The following SORCS1 variants were observed in gnomAD, a reference collection of about 807,000 sequenced individuals.
The protein encoded by SORCS1 is sortilin related VPS10 domain containing receptor 1.
A neutral mutation model predicts 146.1 loss-of-function variants in SORCS1; 60 were observed. The ratio of observed to expected loss-of-function variants is 0.41; its 90% CI spans 0.33 to 0.51. The LOEUF (loss-of-function observed/expected upper bound fraction) is 0.51, where lower values mean the gene tolerates loss of function less well. Ranked by LOEUF, SORCS1 falls within the 20% of genes least tolerant of loss-of-function variation. The probability of loss-of-function intolerance (pLI) is 0.21; values close to 1 mark genes in which losing one functional copy is unlikely to be tolerated. For missense variants in SORCS1, 1,352 were observed against 1,487.6 expected (o/e 0.91, Z 1.50); for synonymous variants, 637 against 584.0 (o/e 1.09, Z -1.31).
intron 5 of SORCS1, among the ~76,000 whole-genome samples, chr10:106,755,210 C>T (rs2136210785): frequency 6.6e-6 from 1 of 152,330 alleles, no homozygotes; most frequent in South Asian, 2.1e-4. Context: ...CTTTTACCTA[C>T]TGAAGTGCTA....
At chr10:107,177,450 C>T in the SORCS1 span, among the ~76,000 whole-genome samples, 5 of 152,028 alleles carry the variant, frequency 3.3e-5, no homozygotes, top group Non-Finnish European at 7.4e-5. Flanking sequence ...TTCTCATCAC[C>T]GCAAAGATCT....
chr10:106,817,810 T>C (rs1306102786), intron 3 of SORCS1, among the ~76,000 whole-genome samples: 3 of 152,232 alleles, frequency 2.0e-5, no homozygotes, highest in African/African-American at 7.2e-5. Context: ...TGCCTGGCAG[T>C]CAATAAATAT....
chr10:107,158,750 C>T (rs1969489370), intron 1 of SORCS1, among the ~76,000 whole-genome samples: 1 of 152,156 alleles, frequency 6.6e-6, no homozygotes. Context: ...TGAATTAAAA[C>T]TAAACACAAT....
At chr10:106,866,518 C>T (rs926969897) in intron 2 of SORCS1, among the ~76,000 whole-genome samples, 2 of 152,176 alleles carry the variant, frequency 1.3e-5, no homozygotes, top group Non-Finnish European at 2.9e-5. Flanking sequence ...GAACATAAAC[C>T]CTGAGATTTC....
At position 107,074,417 on chromosome 10, in the gene SORCS1, G is replaced by A. The variant is rs370355777; in HGVS notation, c.558+89552C>T. ...TGAGTAATACTCCATTTTCTGGATG[G>A]TGCCACAGTTTCTTTGTCCATTCAC... On this transcript the variant is annotated intron_variant, in intron 1 of 25. Transcript: ENST00000263054. Among the ~76,000 whole-genome samples, 14 of 152,162 alleles carry A rather than the reference G, an allele frequency of 9.2e-5. No individual in the cohort carries two copies. In the East Asian group the frequency reaches 9.6e-4, roughly 10 times the overall value.
At chr10:106,983,206 A>G (rs531327119) in intron 1 of SORCS1, among the ~76,000 whole-genome samples, 10 of 147,562 alleles carry the variant, frequency 6.8e-5, no homozygotes, top group Non-Finnish European at 1.3e-4. Flanking sequence ...ACATATTTCT[A>G]TATATAAATA....
At chr10:106,815,433 A>G (rs2248044) in intron 3 of SORCS1, among the ~76,000 whole-genome samples, 152,203 of 152,354 alleles carry the variant, frequency 1, 76,026 homozygotes, top group Middle Eastern at 1. Flanking sequence ...TAATTCCCCC[A>G]AGTTAGGTAT....
At chr10:107,085,705 T>C (rs941794999) in intron 1 of SORCS1, among the ~76,000 whole-genome samples, 7 of 152,192 alleles carry the variant, frequency 4.6e-5, no homozygotes, top group Non-Finnish European at 1.0e-4. Flanking sequence ...CACCCAAACA[T>C]ATGTGACACA....
At position 106,713,672 on chromosome 10, in the gene SORCS1, A is replaced by C. The variant is rs142141653; in HGVS notation, c.1025-4331T>G. Among the ~76,000 whole-genome samples, 868 of 152,294 alleles carry C rather than the reference A, an allele frequency of 5.7e-3. 11 individuals are homozygous for C. The highest frequency in any genetic ancestry group is 0.019 in the African/African-American group (808 of 41,566). ...AGTATACCAACTGACTTTGCAGATA[A>C]AGAGAATGAAGCTAAAAAATAGTGA... is the stretch of plus-strand genomic sequence containing the variant. On this transcript the variant is annotated intron_variant, in intron 6 of 25. Transcript: ENST00000263054.
chr10:106,679,717 G>C lies in SORCS1; in HGVS notation c.1578C>G (p.His526Gln), dbSNP rs572614172. The C allele has an allele frequency of 6.2e-7, 1 of 1,611,120 alleles. No homozygotes were observed. Among genetic ancestry groups the C allele is most frequent in the East Asian group, 2.2e-5 (1 of 44,790 alleles). The change falls in exon 11 of 26, where the codon CAC becomes CAG. Residue 526 changes from histidine (H) to glutamine (Q), a missense_variant. By Grantham distance (24) the His-to-Gln change is conservative. This residue lies in a region of SORCS1 where 648 missense variants were observed against 793.8 expected (regional missense o/e 0.82). Coordinates refer to ENST00000263054, the MANE Select transcript of SORCS1 (RefSeq NM_052918.5). ...GATTCTCAGAGACCTTCAGGTGAAGGTGTAGTGAGCAATAGGGCTGAAAAG... is the reference window on the plus strand; with the variant it reads ...GATTCTCAGAGACCTTCAGGTGAAGCTGTAGTGAGCAATAGGGCTGAAAAG... ...VHCLLPYCSL[H>Q]LHLKVSENPY...
intron 22 of SORCS1, 33 bp from the exon 23 acceptor site, chr10:106,607,330 C>T (rs748314556): frequency 6.2e-7 from 1 of 1,611,698 alleles, no homozygotes; most frequent in South Asian, 1.1e-5. Context: ...CACATTAGTG[C>T]TGCAGAGAAG....
Position 106,960,983 on chromosome 10 carries a change from G to C in SORCS1, c.559-4403C>G, listed in dbSNP as rs886712211. On this transcript the variant is annotated intron_variant, in intron 1 of 25. Coordinates refer to ENST00000263054, the MANE Select transcript of SORCS1 (RefSeq NM_052918.5). The surrounding 1 kb of genome is among the most constrained non-coding windows in gnomAD (Gnocchi z 4.4). ...CTCTAGCCCTCACTCCTTCTGGATA[G>C]GGAGTTGAGAAACCATCACAAAGGA... Among the ~76,000 whole-genome samples, 5 of 152,178 alleles carry C rather than the reference G, an allele frequency of 3.3e-5. No homozygotes were observed. Among genetic ancestry groups the C allele is most frequent in the Admixed American group, 3.3e-4 (5 of 15,274 alleles).
chr10:107,122,957 C>T (rs1487543539), intron 1 of SORCS1, among the ~76,000 whole-genome samples: 1 of 152,050 alleles, frequency 6.6e-6, no homozygotes, highest in African/African-American at 2.4e-5. Flanking sequence ...TACTGCTTTC[C>T]CAGGGAGGCT....
At chr10:106,833,442 A>G (rs954006091) in intron 2 of SORCS1, among the ~76,000 whole-genome samples, 3 of 152,210 alleles carry the variant, frequency 2.0e-5, no homozygotes, top group Admixed American at 1.3e-4. Flanking sequence ...TAGAACCAAC[A>G]ATCAGCCGGC....
chr10:107,094,635 A>G (rs989948215), intron 1 of SORCS1, among the ~76,000 whole-genome samples: 1 of 152,268 alleles, frequency 6.6e-6, no homozygotes, highest in Non-Finnish European at 1.5e-5. Context: ...AATTAGGTAC[A>G]AGAAATAGAA....
chr10:106,831,628 T>C (rs2137027113), intron 2 of SORCS1, among the ~76,000 whole-genome samples: 1 of 145,472 alleles, frequency 6.9e-6, no homozygotes, highest in Non-Finnish European at 1.5e-5. Context: ...CCATTCAGTA[T>C]ACACAGTGGA....
chr10:106,984,177 G>T (rs1956354764), intron 1 of SORCS1, among the ~76,000 whole-genome samples: 1 of 152,100 alleles, frequency 6.6e-6, no homozygotes, highest in Admixed American at 6.6e-5. Context: ...TCCTACTGAA[G>T]TATTATCTCA....
rs1009848851 is a variant in SORCS1, at chr10:106,909,665, C to T, written c.626+46848G>A. The stretch of plus-strand genomic sequence containing the variant: ...AAATCCCTTTATCCCACATCCTTCC[C>T]AAGAGTTGTGTGCATTCTGTGAATG... On this transcript the variant is annotated intron_variant, in intron 2 of 25. Coordinates refer to ENST00000263054, the MANE Select transcript of SORCS1 (RefSeq NM_052918.5). Among the ~76,000 whole-genome samples, 100 of 152,168 alleles carry T rather than the reference C, an allele frequency of 6.6e-4. 3 individuals carry two copies. The highest frequency in any genetic ancestry group is 1.0e-4 in the Non-Finnish European group (7 of 68,036).
intron 2 of SORCS1, among the ~76,000 whole-genome samples, chr10:106,867,739 A>C (rs1175377274): frequency 1.3e-5 from 2 of 152,246 alleles, no homozygotes; most frequent in African/African-American, 4.8e-5. Context: ...TACCACTACC[A>C]GCTAATAGAA....
Sources: gnomAD v4.1 joint callset for allele counts (sites outside exome capture counted in the v4.1 genomes callset) on GRCh38, gnomAD v4.1.1 for gene constraint, gnomAD v4.1.1 regional missense constraint, Gnocchi (gnomAD v3.1) non-coding constraint, MANE v1.5 for transcripts, NCBI Gene and HGNC (gene_info 2026-07-23, HGNC 2026-07-21) for gene names.